TEAD4: variants seen among roughly 807,000 people sequenced by gnomAD.
The protein encoded by TEAD4 is transcriptional enhancer factor TEF-3.
A neutral mutation model predicts 52.4 loss-of-function variants in TEAD4; 36 were observed. That is an observed-to-expected ratio of 0.69 (90% CI 0.53 to 0.91). TEAD4 has a LOEUF of 0.91. TEAD4 is among the 40% of genes least tolerant of loss of function. The pLI is 0.00. For missense variants in TEAD4, 508 were observed against 583.9 expected, an observed-to-expected ratio of 0.87 and a Z score of 1.34; for synonymous variants, 220 against 231.0, an observed-to-expected ratio of 0.95 and a Z score of 0.43.
At chr12:3,017,039 A>G (rs2098265081) in intron 5 of TEAD4, 1 of 465,994 alleles carries the variant, frequency 2.1e-6, no homozygotes, top group African/African-American at 2.0e-5. Context: ...GATCCAGCAG[A>G]TATTCATGCA....
At position 3,021,898 on chromosome 12, in the gene TEAD4, C is replaced by T. The variant is rs1485412434; in HGVS notation, c.778C>T (p.Pro260Ser). Reference sequence around the variant, plus strand: ...CCAGTCCAGCCCAAGCTACAGCGACCCCTACCTCGAAGCCGTGGACATCCG... The same window carrying T: ...CCAGTCCAGCCCAAGCTACAGCGACTCCTACCTCGAAGCCGTGGACATCCG... The change falls in exon 10 of 13, where the codon CCC becomes TCC. Residue 260 changes from proline to serine, a missense_variant. Coordinates refer to ENST00000359864, the MANE Select transcript of TEAD4 (RefSeq NM_003213.4). 6.2e-7 allele frequency: 1 copy of T among 1,614,254 alleles called. No homozygotes were observed. The highest frequency in any genetic ancestry group is 1.1e-5 in the South Asian group (1 of 91,090).
intron 2 of TEAD4, among the ~76,000 whole-genome samples, chr12:2,986,101 TAA>T (rs201187763): frequency 3.3e-5 from 5 of 150,656 alleles, no homozygotes; most frequent in Non-Finnish European, 5.9e-5. Flanking sequence ...AAATAAAAAC[TAA>T]AAAAAAATAA....
intron 3 of TEAD4, 96 bp from the exon 4 acceptor site, chr12:3,010,908 A>C: frequency 7.4e-7 from 1 of 1,353,338 alleles, no homozygotes; most frequent in South Asian, 1.2e-5. Flanking sequence ...GCAGAGAGTG[A>C]GGGCAGGGCT....
In TEAD4 at chr12:3,020,674, G is replaced by A. The variant is rs528384294; in HGVS notation, c.624G>A (p.Ala208=). Residue 208 remains alanine (A), a synonymous_variant, in exon 9 of 13, where the codon GCG becomes GCA. Coordinates refer to ENST00000359864, the MANE Select transcript of TEAD4 (RefSeq NM_003213.4). ...CAGGGCCCGCCCCATCGCCCTCTGC[G>A]CCCCCGGCACCCCCATGGCAGGGCC... 1.9e-5 allele frequency: 31 copies of A among 1,603,404 alleles called. No individual in the cohort carries two copies. The highest frequency in any genetic ancestry group is 1.2e-4 in the African/African-American group (9 of 74,710).
chr12:2,999,950 C>G (rs186603426), intron 3 of TEAD4, among the ~76,000 whole-genome samples: 4 of 152,272 alleles, frequency 2.6e-5, no homozygotes, highest in Admixed American at 2.6e-4. Flanking sequence ...TTGCTCTTGA[C>G]TTTCCCGAGT....
chr12:3,018,521 A>G, intron 6 of TEAD4, 24 bp from the exon 7 acceptor site: 2 of 1,613,966 alleles, frequency 1.2e-6, no homozygotes, highest in Non-Finnish European at 1.7e-6. Context: ...GGCCGTGCTG[A>G]TTCCATGCCT....
chr12:2,995,018 T>C (rs755437558), intron 3 of TEAD4, 26 bp downstream of exon 3: 8 of 1,605,108 alleles, frequency 5.0e-6, no homozygotes, highest in Admixed American at 1.7e-5. Flanking sequence ...GGTTCAGCCC[T>C]GTACCTGAGG....
At chr12:2,982,688 A>T (rs1312161890) in intron 2 of TEAD4, among the ~76,000 whole-genome samples, 1 of 152,228 alleles carries the variant, frequency 6.6e-6, no homozygotes. Context: ...CACCAGGGAC[A>T]CGTGGGGCTG....
intron 3 of TEAD4, among the ~76,000 whole-genome samples, chr12:3,001,178 G>A (rs543301398): frequency 6.6e-6 from 1 of 152,188 alleles, no homozygotes; most frequent in African/African-American, 2.4e-5. Flanking sequence ...TAAAGTGGAG[G>A]TCATAATACT....
intron 10 of TEAD4, among the ~76,000 whole-genome samples, chr12:3,033,901 G>T (rs922118661): frequency 6.8e-6 from 1 of 146,732 alleles, no homozygotes; most frequent in Non-Finnish European, 1.5e-5. Context: ...CAGGAGAAGG[G>T]GTGAGGCTGT....
chr12:3,035,135 T>C (rs2098278611), intron 10 of TEAD4, among the ~76,000 whole-genome samples: 1 of 152,174 alleles, frequency 6.6e-6, no homozygotes, highest in African/African-American at 2.4e-5. Flanking sequence ...TATATAGTTA[T>C]TTTCATATAT....
At chr12:2,996,007 CAAAAAA>C (rs553074088) in intron 3 of TEAD4, among the ~76,000 whole-genome samples, 87 of 119,894 alleles carry the variant, frequency 7.3e-4, no homozygotes, top group Admixed American at 2.1e-3. Context: ...GGCCCTGTTT[CAAAAAA>C]AAAAAAAAAA....
At chr12:3,036,975 C>G (rs943006514) in intron 10 of TEAD4, among the ~76,000 whole-genome samples, 1 of 152,108 alleles carries the variant, frequency 6.6e-6, no homozygotes, top group Non-Finnish European at 1.5e-5. Flanking sequence ...CAGTCAGGAC[C>G]CCTCATGGAT....
chr12:2,969,066 G>C (rs2098222948), intron 2 of TEAD4, among the ~76,000 whole-genome samples: 1 of 152,192 alleles, frequency 6.6e-6, no homozygotes, highest in African/African-American at 2.4e-5. Context: ...TAGCAGGTTA[G>C]GTCCATCTGA....
chr12:2,998,745 G>T (rs1164540184), intron 3 of TEAD4, among the ~76,000 whole-genome samples: 3 of 152,112 alleles, frequency 2.0e-5, no homozygotes, highest in African/African-American at 7.2e-5. Context: ...TCTCAAGTTG[G>T]AAGTGGAGAG....
At chr12:3,034,095 G>A (rs1296663112) in intron 10 of TEAD4, among the ~76,000 whole-genome samples, 2 of 151,428 alleles carry the variant, frequency 1.3e-5, no homozygotes, top group African/African-American at 2.5e-5. Flanking sequence ...TTGTTCTCCC[G>A]ATTATAAATT....
chr12:2,986,639 C>CA (rs2098238761), intron 2 of TEAD4, among the ~76,000 whole-genome samples: 1 of 126,702 alleles, frequency 7.9e-6, no homozygotes. Flanking sequence ...GACTCTGTCT[C>CA]AAAAAATAAA....
intron 2 of TEAD4, among the ~76,000 whole-genome samples, chr12:2,993,851 C>T (rs1439551050): frequency 6.6e-6 from 1 of 152,190 alleles, no homozygotes; most frequent in Non-Finnish European, 1.5e-5. Flanking sequence ...GCGTGTTTCA[C>T]TCAGCATAAT....
chr12:2,999,286 CT>C (rs999025385), intron 3 of TEAD4, among the ~76,000 whole-genome samples: 1 of 152,150 alleles, frequency 6.6e-6, no homozygotes, highest in African/African-American at 2.4e-5. Context: ...GAGCTCTGGT[CT>C]TTTCTCCCCC....
Sources: allele counts gnomAD v4.1 joint callset (sites outside exome capture counted in the v4.1 genomes callset), GRCh38; gene constraint gnomAD v4.1.1; transcripts MANE v1.5; gene names NCBI Gene and HGNC (gene_info 2026-07-23, HGNC 2026-07-21).